Variants in EIF4E3 observed in about 807,000 individuals in gnomAD.
EIF4E3 encodes eukaryotic translation initiation factor 4E type 3.
A neutral mutation model predicts 31.7 loss-of-function variants in EIF4E3; 26 were observed. The observed-to-expected ratio is 0.82, with a 90% CI of 0.60 to 1.14. The LOEUF (loss-of-function observed/expected upper bound fraction) is 1.14. EIF4E3 is among the 50% of genes most tolerant of loss of function. The probability of loss-of-function intolerance (pLI) is 0.00; values close to 1 mark genes in which losing one functional copy is unlikely to be tolerated. For synonymous variants in EIF4E3, 128 were observed against 107.7 expected, an observed-to-expected ratio of 1.19 and a Z score of -1.17; for missense variants, 304 against 270.9, an observed-to-expected ratio of 1.12 and a Z score of -0.86.
Position 71,709,683 on chromosome 3 carries a change from T to C in EIF4E3, c.249+729A>G, listed in dbSNP as rs191639072. On this transcript the variant is annotated intron_variant, in intron 2 of 6. Transcript: ENST00000425534. ...GGTGTGAGCCACTACGCCTGGCCAG[T>C]TGTGTTTTTTCAGTTGTGTTTTTCC... Among the ~76,000 whole-genome samples, 42 of 152,226 alleles carry C rather than the reference T, an allele frequency of 2.8e-4. No individual in the cohort carries two copies. The East Asian group carries it at 5.6e-3, about 20-fold the overall frequency.
intron 1 of EIF4E3, among the ~76,000 whole-genome samples, chr3:71,716,215 G>T (rs943931334): frequency 1.6e-4 from 24 of 152,134 alleles, no homozygotes; most frequent in African/African-American, 5.8e-4. Flanking sequence ...CGGAAGAAGT[G>T]AAGTGCTTGA....
At chr3:71,714,828 C>G (rs1202360930) in intron 1 of EIF4E3, among the ~76,000 whole-genome samples, 1 of 152,166 alleles carries the variant, frequency 6.6e-6, no homozygotes, top group African/African-American at 2.4e-5. Context: ...AACACTGAAG[C>G]CTGGGCAGCC....
At chr3:71,700,508 G>A (rs2049200607) in intron 2 of EIF4E3, among the ~76,000 whole-genome samples, 1 of 151,870 alleles carries the variant, frequency 6.6e-6, no homozygotes, top group East Asian at 1.9e-4. Context: ...CAGCTACTCG[G>A]GAGGCTGAGG....
At chr3:71,687,190 T>C (rs989341552) in intron 6 of EIF4E3, among the ~76,000 whole-genome samples, 1 of 152,042 alleles carries the variant, frequency 6.6e-6, no homozygotes, top group East Asian at 1.9e-4. Context: ...TTAGTAGAGA[T>C]GGGGTTTCGC....
chr3:71,723,027 G>A (rs2108116032), intron 1 of EIF4E3, among the ~76,000 whole-genome samples: 1 of 152,324 alleles, frequency 6.6e-6, no homozygotes, highest in African/African-American at 2.4e-5. Flanking sequence ...GACAGGCCGG[G>A]AGGTAGGATG....
intron 1 of EIF4E3, among the ~76,000 whole-genome samples, chr3:71,724,319 G>T (rs182460009): frequency 6.6e-5 from 10 of 152,290 alleles, no homozygotes; most frequent in African/African-American, 1.7e-4. Context: ...AAAATCCACT[G>T]CTCTTTTATC....
At chr3:71,729,798 ATGTGTGTGTGTGTGTGTGTGTG>A (rs3066626), upstream of EIF4E3, among the ~76,000 whole-genome samples, 68 of 129,774 alleles carry the variant, frequency 5.2e-4, no homozygotes, top group Non-Finnish European at 8.2e-4. Context: ...TTCCAATAGA[ATGTGTGTGTGTGTGTGTGTGTG>A]TGTGTGTGTG....
At chr3:71,685,213 T>C (rs2048976148) in intron 6 of EIF4E3, among the ~76,000 whole-genome samples, 1 of 151,946 alleles carries the variant, frequency 6.6e-6, no homozygotes, top group Non-Finnish European at 1.5e-5. Context: ...GTGCCCCTGC[T>C]CCCTACCTCT....
upstream of EIF4E3, chr3:71,754,665 T>A (rs1161790204): frequency 6.7e-7 from 1 of 1,501,102 alleles, no homozygotes; most frequent in African/African-American, 1.5e-5. This position sits in a 1 kb window ranked among gnomAD's most constrained non-coding sequence, Gnocchi z 5.8. Flanking sequence ...CCGCCTGCTC[T>A]TCTTCATCCA....
intron 1 of EIF4E3, among the ~76,000 whole-genome samples, chr3:71,746,355 G>A (rs1388398984): frequency 6.6e-6 from 1 of 152,194 alleles, no homozygotes; most frequent in Non-Finnish European, 1.5e-5. Context: ...TGGCTGTGCT[G>A]TAATATAAAG....
intron 3 of EIF4E3, among the ~76,000 whole-genome samples, chr3:71,696,800 C>T (rs1275646385): frequency 6.9e-6 from 1 of 144,022 alleles, no homozygotes; most frequent in Non-Finnish European, 1.5e-5. Context: ...ACTGCAAGCT[C>T]TGCCTCCCGG....
In EIF4E3 at chr3:71,725,254, C is replaced by A; in HGVS notation, c.114G>T (p.Ser38=). Reference sequence around the variant, plus strand: ...CCCCGCCCGGCTCAGGCTGCAGCGCCGACAGCTGCTGCAGGCCGAGCGGCG... The same window carrying A: ...CCCCGCCCGGCTCAGGCTGCAGCGCAGACAGCTGCTGCAGGCCGAGCGGCG... The part of the protein sequence containing the change: ...PEPPLGLQQL[S]ALQPEPGGVP... Residue 38 remains serine, a synonymous_variant, in exon 1 of 7, where the codon TCG becomes TCT. Transcript: ENST00000425534. The surrounding 1 kb of genome is among the most constrained non-coding windows in gnomAD (Gnocchi z 6.1). The A allele has an allele frequency of 9.2e-7, 1 of 1,081,888 alleles. No homozygotes were observed. 67.0% of individuals were successfully genotyped at this position (1,081,888 alleles called of 1,614,324 possible).
chr3:71,729,188 T>C (rs761271601), upstream of EIF4E3: 23 of 152,212 alleles, frequency 1.5e-4, no homozygotes, highest in Non-Finnish European at 2.6e-4. Context: ...AGTGGTCCTC[T>C]CTCTTCTACT....
chr3:71,705,834 C>T (rs2049286064), intron 2 of EIF4E3, among the ~76,000 whole-genome samples: 1 of 152,138 alleles, frequency 6.6e-6, no homozygotes, highest in Non-Finnish European at 1.5e-5. Context: ...TGCCATGTTT[C>T]CCAGGCTGAA....
rs1237556273 is a variant in EIF4E3 at position 71,675,822 on chromosome 3, C to T, written c.*8860G>A. 1.3e-5 allele frequency: 2 copies of T among 152,212 alleles called. No homozygotes were observed. The highest frequency in any genetic ancestry group is 3.8e-4 in the East Asian group (2 of 5,200). 9.4% of individuals were successfully genotyped at this position (152,212 alleles called of 1,614,324 possible). A position where few individuals can be genotyped will look rare whatever the true frequency, so the allele number is the denominator to read the frequency against. ...TTCTTGCACATCATATCTTCAACTT[C>T]CACCAAGGCAGCCTCACTGAAGAAC... On this transcript the variant is annotated 3_prime_UTR_variant, in exon 7 of 7. Transcript: ENST00000425534.
intron 6 of EIF4E3, among the ~76,000 whole-genome samples, chr3:71,687,686 G>A (rs1446940562): frequency 6.6e-6 from 1 of 152,188 alleles, no homozygotes; most frequent in Non-Finnish European, 1.5e-5. Flanking sequence ...GAGTTTCTCA[G>A]TCAAATAATG....
rs188674218 is a variant in EIF4E3, at chr3:71,722,142, G to A, written c.176+3050C>T. Among the ~76,000 whole-genome samples the A allele has an allele frequency of 6.1e-3, 924 of 152,246 alleles. 9 individuals are homozygous for A. The highest frequency in any genetic ancestry group is 0.016 in the South Asian group (77 of 4,816). ...TTACAGATGACTCTAAGATTTCTGG[G>A]CTGGGCAACTGGAAGGATAGACTTG... On this transcript the variant is annotated intron_variant, in intron 1 of 6. Coordinates refer to ENST00000425534, the MANE Select transcript of EIF4E3 (RefSeq NM_001134651.2).
intron 5 of EIF4E3, 74 bp from the exon 6 acceptor site, chr3:71,690,239 C>A: frequency 7.0e-7 from 1 of 1,429,030 alleles, no homozygotes; most frequent in Non-Finnish European, 9.3e-7. Context: ...AGAACTTAGT[C>A]TTTTTATCTG....
intron 6 of EIF4E3, among the ~76,000 whole-genome samples, chr3:71,686,341 A>G (rs1463343193): frequency 1.3e-5 from 2 of 151,970 alleles, no homozygotes; most frequent in Admixed American, 1.3e-4. Context: ...GAGGGGGTGG[A>G]TGGAACGGGC....
Sources: gnomAD v4.1 joint callset for allele counts (sites outside exome capture counted in the v4.1 genomes callset) on GRCh38, gnomAD v4.1.1 for gene constraint, Gnocchi (gnomAD v3.1) non-coding constraint, MANE v1.5 for transcripts, NCBI Gene and HGNC (gene_info 2026-07-23, HGNC 2026-07-21) for gene names.